The following CNTN4 variants were observed in gnomAD, a reference collection of about 807,000 sequenced individuals.
The protein encoded by CNTN4 is contactin 4, also known as contactin-4.
Under a neutral mutation model 122.5 loss-of-function variants are expected in CNTN4, and 77 were observed. The ratio of observed to expected loss-of-function variants is 0.63; its 90% CI spans 0.52 to 0.76. The LOEUF is 0.76. Ranked by LOEUF, CNTN4 falls within the 30% of genes least tolerant of loss-of-function variation. The probability of loss-of-function intolerance (pLI) is 0.00; values close to 1 mark genes in which losing one functional copy is unlikely to be tolerated. For missense variants in CNTN4, 1,256 were observed against 1,259.1 expected (o/e 1.00, Z 0.04); for synonymous variants, 512 against 447.0 (o/e 1.15, Z -1.83).
At chr3:2,638,698 C>T (rs762751476) in intron 4 of CNTN4, among the ~76,000 whole-genome samples, 21 of 152,156 alleles carry the variant, frequency 1.4e-4, no homozygotes, top group African/African-American at 2.7e-4. Context: ...ACAGGCATCT[C>T]GAAGTCAACT....
intron 3 of CNTN4, among the ~76,000 whole-genome samples, chr3:2,434,737 C>T (rs1313089179): frequency 1.3e-5 from 2 of 152,048 alleles, no homozygotes; most frequent in Non-Finnish European, 2.9e-5. Flanking sequence ...TTTTCCACAC[C>T]TTGGAGCCGT....
chr3:2,725,452 G>A (rs1226838082), intron 4 of CNTN4, among the ~76,000 whole-genome samples: 1 of 152,154 alleles, frequency 6.6e-6, no homozygotes, highest in East Asian at 1.9e-4. Flanking sequence ...CATATTGAAG[G>A]CATTAGCACT....
At chr3:2,232,005 G>C (rs2039505927) in intron 2 of CNTN4, among the ~76,000 whole-genome samples, 1 of 152,026 alleles carries the variant, frequency 6.6e-6, no homozygotes, top group Non-Finnish European at 1.5e-5. Context: ...GCTTACCAGA[G>C]AGCATTTAAA....
chr3:2,710,644 T>C (rs1306706191), intron 4 of CNTN4, among the ~76,000 whole-genome samples: 2 of 152,212 alleles, frequency 1.3e-5, no homozygotes, highest in East Asian at 1.9e-4. Flanking sequence ...GATATGATTT[T>C]ATTTTTCTGG....
chr3:2,523,759 A>G (rs2077304308), intron 3 of CNTN4, among the ~76,000 whole-genome samples: 1 of 152,112 alleles, frequency 6.6e-6, no homozygotes, highest in African/African-American at 2.4e-5. Flanking sequence ...TTATTTACCC[A>G]GAATCCTCAC....
chr3:2,964,228 C>T (rs568650759), intron 13 of CNTN4, among the ~76,000 whole-genome samples: 6 of 152,208 alleles, frequency 3.9e-5, no homozygotes, highest in Non-Finnish European at 7.4e-5. Context: ...TTATCTCTAC[C>T]TCCACCCAAA....
chr3:2,317,820 G>A (rs1575358518), intron 2 of CNTN4, among the ~76,000 whole-genome samples: 1 of 152,174 alleles, frequency 6.6e-6, no homozygotes, highest in East Asian at 1.9e-4. Flanking sequence ...AGAACTCAGA[G>A]TCTGTGTCCC....
chr3:2,384,135 G>T (rs1377750640), intron 3 of CNTN4, among the ~76,000 whole-genome samples: 1 of 152,090 alleles, frequency 6.6e-6, no homozygotes, highest in Non-Finnish European at 1.5e-5. Flanking sequence ...AATGAATTGA[G>T]CTTACAGCAT....
At chr3:2,472,528 TGCA>T (rs2075717639) in intron 3 of CNTN4, among the ~76,000 whole-genome samples, 1 of 152,138 alleles carries the variant, frequency 6.6e-6, no homozygotes, top group Admixed American at 6.6e-5. Flanking sequence ...CATGAGTCAC[TGCA>T]CCTGGCCTCA....
At chr3:2,473,244 A>AC (rs2075740650) in intron 3 of CNTN4, among the ~76,000 whole-genome samples, 1 of 112,326 alleles carries the variant, frequency 8.9e-6, no homozygotes, top group Non-Finnish European at 1.8e-5. Context: ...AAAAAAAAAA[A>AC]AAAAAAAACA....
intron 3 of CNTN4, among the ~76,000 whole-genome samples, chr3:2,390,344 T>C (rs1004494848): frequency 1.3e-5 from 2 of 151,940 alleles, no homozygotes; most frequent in Admixed American, 1.3e-4. Flanking sequence ...ATACTATTAT[T>C]GCAACTTTCT....
At chr3:2,639,869 T>A (rs1231031452) in intron 4 of CNTN4, among the ~76,000 whole-genome samples, 2 of 152,208 alleles carry the variant, frequency 1.3e-5, no homozygotes, top group Non-Finnish European at 2.9e-5. Flanking sequence ...ACTGGTTGTT[T>A]GGACATATTT....
intron 12 of CNTN4, among the ~76,000 whole-genome samples, chr3:2,919,416 A>G (rs986688451): frequency 6.6e-6 from 1 of 151,822 alleles, no homozygotes; most frequent in Non-Finnish European, 1.5e-5. Context: ...TAATTCTTCA[A>G]TAGGTTCATT....
chr3:2,478,655 C>T (rs2075899818), intron 3 of CNTN4, among the ~76,000 whole-genome samples: 1 of 152,142 alleles, frequency 6.6e-6, no homozygotes, highest in Non-Finnish European at 1.5e-5. Context: ...CATCATTTAG[C>T]TCCCACTTAT....
intron 12 of CNTN4, among the ~76,000 whole-genome samples, chr3:2,919,810 A>C (rs9817611): frequency 0.56 from 84,953 of 151,908 alleles, 23,788 homozygotes; most frequent in East Asian, 0.69. Context: ...GTTAACAAGA[A>C]TTTAGCAGCT....
intron 3 of CNTN4, among the ~76,000 whole-genome samples, chr3:2,358,264 C>T (rs900868177): frequency 1.3e-5 from 2 of 152,122 alleles, no homozygotes; most frequent in East Asian, 1.9e-4. Flanking sequence ...CTTTCCATTT[C>T]GAGCCTCCGT....
intron 3 of CNTN4, among the ~76,000 whole-genome samples, chr3:2,530,720 T>G (rs2077567633): frequency 6.6e-6 from 1 of 152,212 alleles, no homozygotes; most frequent in African/African-American, 2.4e-5. Flanking sequence ...TTTCCTTTTA[T>G]TATTTAGAGA....
chr3:2,328,256 A>G (rs1296810750), intron 2 of CNTN4, among the ~76,000 whole-genome samples: 3 of 151,184 alleles, frequency 2.0e-5, no homozygotes, highest in Non-Finnish European at 4.4e-5. Flanking sequence ...ATACAAAAAA[A>G]TTAGCCGGGC....
intron 2 of CNTN4, among the ~76,000 whole-genome samples, chr3:2,129,756 C>T (rs2034362594): frequency 6.6e-6 from 1 of 151,620 alleles, no homozygotes; most frequent in Non-Finnish European, 1.5e-5. Flanking sequence ...TTTCCTGTAA[C>T]TCAGTTTCCT....
Sources: gnomAD v4.1 joint callset for allele counts (sites outside exome capture counted in the v4.1 genomes callset) on GRCh38, gnomAD v4.1.1 for gene constraint, MANE v1.5 for transcripts, NCBI Gene and HGNC (gene_info 2026-07-23, HGNC 2026-07-21) for gene names.